The following PRDM16 variants were observed in gnomAD, a reference collection of about 807,000 sequenced individuals.
The protein encoded by PRDM16 is PR/SET domain 16.
PRDM16 carries 23 observed loss-of-function variants against 110.6 expected under a neutral mutation model. That is an observed-to-expected ratio of 0.21 (90% confidence interval 0.15 to 0.29). The LOEUF (loss-of-function observed/expected upper bound fraction) is 0.29. PRDM16 is among the 10% of genes least tolerant of loss of function. PRDM16 has a pLI of 1.00. For missense variants in PRDM16, 1,615 were observed against 1,794.3 expected, an observed-to-expected ratio of 0.90 and a Z score of 1.81; for synonymous variants, 799 against 781.8, an observed-to-expected ratio of 1.02 and a Z score of -0.37.
chr1:3,246,324 C>T lies in PRDM16; in HGVS notation c.438+2187C>T, dbSNP rs1369168438. Among the ~76,000 whole-genome samples, 1 of 152,226 alleles carries T rather than the reference C, an allele frequency of 6.6e-6. No homozygotes were observed. The highest frequency in any genetic ancestry group is 1.5e-5 in the Non-Finnish European group (1 of 68,046). On this transcript the variant is annotated intron_variant, in intron 3 of 16. Transcript: ENST00000270722. This position sits in a 1 kb window ranked among gnomAD's most constrained non-coding sequence, Gnocchi z 5.2. ...CAGGGCAGCAGGCATCCCTCTGACG[C>T]AGGCCCTTGGAAAGCAGGTTGAGAA...
Position 3,114,252 on chromosome 1 carries a change from A to G in PRDM16, c.37+44956A>G, listed in dbSNP as rs571725447. 5.0e-5 allele frequency among the ~76,000 whole-genome samples: 7 copies of G among 139,190 alleles called. No homozygotes were observed. The East Asian group carries it at 1.2e-3, about 23-fold the overall frequency. The allele number at this position is 139,190 out of a possible 152,430, so 91.3% of individuals were successfully genotyped here. On this transcript the variant is annotated intron_variant, in intron 1 of 16. Transcript: ENST00000270722. ...GCACACACGCAGTGTAAACATGCACACGCACGCGCACACGTACACACACGC... is the reference window on the plus strand; with the variant it reads ...GCACACACGCAGTGTAAACATGCACGCGCACGCGCACACGTACACACACGC...
chr1:3,098,892 G>A (rs954181353), intron 1 of PRDM16, among the ~76,000 whole-genome samples: 2 of 152,206 alleles, frequency 1.3e-5, no homozygotes, highest in Non-Finnish European at 2.9e-5. Flanking sequence ...CAGCCATGGT[G>A]CTGCCTCCAC....
intron 1 of PRDM16, among the ~76,000 whole-genome samples, chr1:3,107,659 G>T (rs1383585254): frequency 6.6e-6 from 1 of 152,208 alleles, no homozygotes; most frequent in Non-Finnish European, 1.5e-5. Flanking sequence ...AGGCATCCTG[G>T]ATGGATTTCT....
rs1457235511 is a variant in PRDM16 at position 3,350,288 on chromosome 1, T to G, written c.439-34864T>G. Among the ~76,000 whole-genome samples, 1 of 152,154 alleles carries G rather than the reference T, an allele frequency of 6.6e-6. No homozygotes were observed. The highest frequency in any genetic ancestry group is 1.5e-5 in the Non-Finnish European group (1 of 68,024). The stretch of plus-strand genomic sequence containing the variant: ...CTACAGAGAGCTGTGATCACACCAC[T>G]ATACTCCAGCCTGGGCGAGAGAGTG... On this transcript the variant is annotated intron_variant, in intron 3 of 16. Coordinates refer to ENST00000270722, the MANE Select transcript of PRDM16 (RefSeq NM_022114.4). This position sits in a 1 kb window ranked among gnomAD's most constrained non-coding sequence, Gnocchi z 7.1.
chr1:3,136,110 C>G (rs984566846), intron 1 of PRDM16, among the ~76,000 whole-genome samples: 2 of 152,144 alleles, frequency 1.3e-5, no homozygotes, highest in African/African-American at 4.8e-5. Flanking sequence ...TAGGAGCCAC[C>G]CCTGGGAAGA....
intron 3 of PRDM16, among the ~76,000 whole-genome samples, chr1:3,284,659 A>G (rs1261248180): frequency 6.6e-6 from 1 of 152,230 alleles, no homozygotes; most frequent in African/African-American, 2.4e-5. Flanking sequence ...TCATCTTCAG[A>G]TAGACTCTGT....
chr1:3,421,912 ACAGGAAGACAGACAGG>A (rs915824589), intron 12 of PRDM16, among the ~76,000 whole-genome samples: 2 of 149,910 alleles, frequency 1.3e-5, no homozygotes, highest in Non-Finnish European at 3.0e-5. Flanking sequence ...AGGCAAACAG[ACAGGAAGACAGACAGG>A]CAGGCAGACA....
rs997612883 is a variant in PRDM16 at position 3,278,507 on chromosome 1, T to G, written c.438+34370T>G. Among the ~76,000 whole-genome samples, 4 of 152,102 alleles carry G rather than the reference T, an allele frequency of 2.6e-5. No homozygotes were observed. In the South Asian group the frequency reaches 8.3e-4, roughly 32 times the overall value. On this transcript the variant is annotated intron_variant, in intron 3 of 16. Coordinates refer to ENST00000270722, the MANE Select transcript of PRDM16 (RefSeq NM_022114.4). ...ACATTTGCTCACATCGGCAACCCCC[T>G]CTTCTAAGCACCCACCTAAAGCGCA...
intron 1 of PRDM16, among the ~76,000 whole-genome samples, chr1:3,118,959 A>T (rs886638959): frequency 6.6e-6 from 1 of 152,114 alleles, no homozygotes; most frequent in Non-Finnish European, 1.5e-5. Flanking sequence ...GCAAGAAAAC[A>T]CCCTGGCTGA....
intron 3 of PRDM16, among the ~76,000 whole-genome samples, chr1:3,369,784 G>T (rs1032632932): frequency 2.6e-5 from 4 of 152,362 alleles, no homozygotes; most frequent in Non-Finnish European, 2.9e-5. Flanking sequence ...TTGGCTATTT[G>T]CAGGGCATCC....
chr1:3,418,604 G>A (rs1319552793), intron 11 of PRDM16, 63 bp from the exon 12 acceptor site: 12 of 1,123,746 alleles, frequency 1.1e-5, no homozygotes, highest in Non-Finnish European at 1.6e-5. Flanking sequence ...AACCATTTCT[G>A]GGAAATGGCC....
intron 3 of PRDM16, among the ~76,000 whole-genome samples, chr1:3,317,524 C>T (rs76106819): frequency 0.026 from 3,893 of 150,324 alleles, 290 homozygotes; most frequent in East Asian, 0.24. Context: ...TTTCTAGCAG[C>T]GCCCTCCTTC....
chr1:3,378,815 A>G (rs116676758), intron 3 of PRDM16, among the ~76,000 whole-genome samples: 77 of 152,194 alleles, frequency 5.1e-4, no homozygotes, highest in African/African-American at 1.8e-3. Flanking sequence ...ACCACGGCCC[A>G]GGGCCACTTC....
intron 1 of PRDM16, among the ~76,000 whole-genome samples, chr1:3,115,143 G>A (rs887707977): frequency 6.6e-6 from 1 of 152,214 alleles, no homozygotes; most frequent in Admixed American, 6.5e-5. Flanking sequence ...CACATTCCTC[G>A]GTGAGTGGTT....
chr1:3,435,765 G>A lies in PRDM16; in HGVS notation c.*1954G>A, dbSNP rs915380649. 12 of 232,238 alleles carry A rather than the reference G, an allele frequency of 5.2e-5. No individual in the cohort carries two copies. Among genetic ancestry groups the A allele is most frequent in the East Asian group, 1.2e-4 (2 of 16,488 alleles). The allele number at this position is 232,238 out of a possible 1,614,324, so 14.4% of individuals were successfully genotyped here. On this transcript the variant is annotated 3_prime_UTR_variant, in exon 17 of 17. Transcript: ENST00000270722. ...GGCTGCTCCAGGACAAAAGACAATC[G>A]TCTCTGTGGGTGCCGGGTGGTCCAG... is the stretch of plus-strand genomic sequence containing the variant.
chr1:3,409,793 G>GGT (rs1267110797), intron 8 of PRDM16, among the ~76,000 whole-genome samples: 4 of 121,180 alleles, frequency 3.3e-5, no homozygotes, highest in African/African-American at 7.2e-5. Context: ...GTGTGGTGTG[G>GGT]GTGTGTGTGG....
At chr1:3,368,541 G>A (rs978390410) in intron 3 of PRDM16, among the ~76,000 whole-genome samples, 6 of 152,244 alleles carry the variant, frequency 3.9e-5, no homozygotes, top group East Asian at 3.9e-4. Context: ...AAGCCCAGCC[G>A]CTCCCACCCT....
rs557289591 is a variant in PRDM16 at position 3,356,444 on chromosome 1, G to A, written c.439-28708G>A. ...TGCCCTCCGGGGAGACGGGAGTGGG[G>A]GAGGCAAGCATTTGAAATCCTCCCT... On this transcript the variant is annotated intron_variant, in intron 3 of 16. Coordinates refer to ENST00000270722, the MANE Select transcript of PRDM16 (RefSeq NM_022114.4). Among the ~76,000 whole-genome samples, 8 of 152,346 alleles carry A rather than the reference G, an allele frequency of 5.3e-5. No homozygotes were observed. In the South Asian group the frequency reaches 8.3e-4, roughly 16 times the overall value.
chr1:3,424,009 A>T (rs1197706708), intron 12 of PRDM16, among the ~76,000 whole-genome samples: 1 of 152,266 alleles, frequency 6.6e-6, no homozygotes, highest in African/African-American at 2.4e-5. Context: ...ACACACGCAC[A>T]TGCCAAGCAC....
Sources: allele counts gnomAD v4.1 joint callset (sites outside exome capture counted in the v4.1 genomes callset), GRCh38; gene constraint gnomAD v4.1.1; non-coding constraint Gnocchi (gnomAD v3.1); transcripts MANE v1.5; gene names NCBI Gene and HGNC (gene_info 2026-07-23, HGNC 2026-07-21).